TANC2: variants seen among roughly 807,000 people sequenced by gnomAD.
TANC2 encodes the protein tetratricopeptide repeat, ankyrin repeat and coiled-coil containing 2, also known as protein TANC2.
A neutral mutation model predicts 210.5 loss-of-function variants in TANC2; 26 were observed. That is an observed-to-expected ratio of 0.12 (90% CI 0.09 to 0.17). The LOEUF (loss-of-function observed/expected upper bound fraction) is 0.17, where lower values mean the gene tolerates loss of function less well. Among genes scored for constraint, TANC2 ranks in the 10% least tolerant of loss-of-function variants. TANC2 has a pLI of 1.00. For synonymous variants in TANC2, 931 were observed against 967.1 expected, an observed-to-expected ratio of 0.96 and a Z score of 0.69; for missense variants, 2,129 against 2,608.9, an observed-to-expected ratio of 0.82 and a Z score of 4.01.
rs1005905247 is a variant in TANC2 at position 63,343,763 on chromosome 17, G to A, written c.1807+3431G>A. Among the ~76,000 whole-genome samples, 2 of 151,986 alleles carry A rather than the reference G, an allele frequency of 1.3e-5. 1 individual carries two copies. The highest frequency in any genetic ancestry group is 4.1e-4 in the South Asian group (2 of 4,820). The stretch of plus-strand genomic sequence containing the variant: ...AACAACAACACCAGCAGGCATGGTG[G>A]TGCACAGCTGTAGTCCCAGCTACTC... On this transcript the variant is annotated intron_variant, in intron 12 of 27. Coordinates refer to ENST00000689528, the Ensembl canonical transcript of TANC2.
At chr17:63,122,093 A>G (rs890705025) in intron 4 of TANC2, among the ~76,000 whole-genome samples, 1 of 152,208 alleles carries the variant, frequency 6.6e-6, no homozygotes, top group African/African-American at 2.4e-5. Flanking sequence ...TCAGTTCAAA[A>G]AAGTGAATAG....
At chr17:63,164,507 T>A (rs2040140022) in intron 5 of TANC2, among the ~76,000 whole-genome samples, 1 of 152,200 alleles carries the variant, frequency 6.6e-6, no homozygotes, top group Non-Finnish European at 1.5e-5. Flanking sequence ...CAGGGTTCTC[T>A]GGAGAAACAG....
chr17:63,010,386 T>G (rs1243730382), intron 2 of TANC2, among the ~76,000 whole-genome samples: 1 of 152,066 alleles, frequency 6.6e-6, no homozygotes, highest in Non-Finnish European at 1.5e-5. Context: ...AAGAACAAAC[T>G]CCCCTACATT....
chr17:63,135,988 A>C (rs2039077679), intron 4 of TANC2, among the ~76,000 whole-genome samples: 1 of 152,178 alleles, frequency 6.6e-6, no homozygotes, highest in African/African-American at 2.4e-5. Context: ...TAAAATAGGT[A>C]ATTGAAATTT....
chr17:63,361,604 AAG>A (rs1491007145), intron 14 of TANC2, among the ~76,000 whole-genome samples: 2 of 152,318 alleles, frequency 1.3e-5, no homozygotes, highest in African/African-American at 4.8e-5. Flanking sequence ...GCTGAGCCCA[AAG>A]AGGGTGTCAC....
At chr17:63,115,498 G>A (rs991641048) in intron 4 of TANC2, among the ~76,000 whole-genome samples, 4 of 152,084 alleles carry the variant, frequency 2.6e-5, no homozygotes, top group African/African-American at 7.2e-5. Flanking sequence ...ATCCTTGAAC[G>A]CTAGTCCGCA....
chr17:63,178,641 G>A (rs2040675336), intron 5 of TANC2, among the ~76,000 whole-genome samples: 1 of 152,222 alleles, frequency 6.6e-6, no homozygotes, highest in South Asian at 2.1e-4. Flanking sequence ...TTACAACTCT[G>A]TTAAAGAGAA....
At chr17:63,209,227 G>A (rs2041812360) in intron 7 of TANC2, among the ~76,000 whole-genome samples, 1 of 151,744 alleles carries the variant, frequency 6.6e-6, no homozygotes, top group African/African-American at 2.4e-5. Flanking sequence ...TGCCGAGGCT[G>A]GTCTTGAACT....
At chr17:63,155,399 TC>T (rs2039802279) in intron 5 of TANC2, among the ~76,000 whole-genome samples, 1 of 152,114 alleles carries the variant, frequency 6.6e-6, no homozygotes, top group Admixed American at 6.6e-5. Flanking sequence ...ACAATGAACT[TC>T]TGTTGAAAAT....
chr17:63,402,047 A>G (rs2048359930), intron 19 of TANC2, among the ~76,000 whole-genome samples: 1 of 152,138 alleles, frequency 6.6e-6, no homozygotes, highest in Non-Finnish European at 1.5e-5. Flanking sequence ...TCTGACCTTC[A>G]TTTACTACTT....
chr17:63,013,762 TAAAAAAAAAAAAA>T (rs34126221), intron 2 of TANC2, among the ~76,000 whole-genome samples: 1 of 101,762 alleles, frequency 9.8e-6, no homozygotes, highest in Non-Finnish European at 1.8e-5. Flanking sequence ...ACCCTGTCTT[TAAAAAAAAAAAAA>T]AAAAAAAAAA....
At chr17:63,341,620 C>T (rs572349133) in intron 12 of TANC2, among the ~76,000 whole-genome samples, 1 of 152,344 alleles carries the variant, frequency 6.6e-6, no homozygotes, top group South Asian at 2.1e-4. Context: ...GAGGAGACAG[C>T]TCTGCCAAGC....
At chr17:63,289,950 C>G (rs942283893) in intron 9 of TANC2, among the ~76,000 whole-genome samples, 1 of 152,078 alleles carries the variant, frequency 6.6e-6, no homozygotes, top group Non-Finnish European at 1.5e-5. Context: ...CCTTCCCCCC[C>G]TTCAGTGGGA....
At chr17:63,247,420 A>G (rs1369166328) in intron 8 of TANC2, among the ~76,000 whole-genome samples, 2 of 151,958 alleles carry the variant, frequency 1.3e-5, no homozygotes, top group Non-Finnish European at 2.9e-5. Flanking sequence ...TAACTCAAGT[A>G]TTGGAAAATA....
chr17:63,061,205 A>G (rs2035983859), intron 2 of TANC2, among the ~76,000 whole-genome samples: 1 of 152,122 alleles, frequency 6.6e-6, no homozygotes. Flanking sequence ...CGTCTCTACT[A>G]AAAATACAAA....
intron 9 of TANC2, among the ~76,000 whole-genome samples, chr17:63,293,912 A>G (rs910518157): frequency 3.9e-5 from 6 of 151,964 alleles, no homozygotes; most frequent in African/African-American, 1.2e-4. Flanking sequence ...TAATTTTTGT[A>G]GAGATGAGGT....
At chr17:63,250,092 T>G (rs2043016862) in intron 8 of TANC2, among the ~76,000 whole-genome samples, 1 of 152,114 alleles carries the variant, frequency 6.6e-6, no homozygotes, top group Non-Finnish European at 1.5e-5. Context: ...AAGCTGTTCT[T>G]TTTTTCTTTT....
chr17:63,132,612 C>T (rs2038956890), intron 4 of TANC2, among the ~76,000 whole-genome samples: 1 of 152,156 alleles, frequency 6.6e-6, no homozygotes. Context: ...AGGAATTAAT[C>T]ATCTTCTTAT....
chr17:63,177,711 T>C (rs1443196857), intron 5 of TANC2, among the ~76,000 whole-genome samples: 1 of 152,198 alleles, frequency 6.6e-6, no homozygotes, highest in Non-Finnish European at 1.5e-5. Context: ...GAGCTCATCA[T>C]CTGTGATTGT....
Sources: allele counts gnomAD v4.1 joint callset (sites outside exome capture counted in the v4.1 genomes callset), GRCh38; gene constraint gnomAD v4.1.1; transcripts MANE v1.5; gene names NCBI Gene and HGNC (gene_info 2026-07-23, HGNC 2026-07-21).